Variants in TMOD1 observed in about 807,000 individuals in gnomAD.
TMOD1 encodes the protein tropomodulin-1.
Under a neutral mutation model 40.6 loss-of-function variants are expected in TMOD1, and 17 were observed. The observed-to-expected ratio is 0.42, with a 90% CI of 0.29 to 0.63. The LOEUF (loss-of-function observed/expected upper bound fraction) is 0.63. Ranked by LOEUF, TMOD1 falls within the 20% of genes least tolerant of loss-of-function variation. TMOD1 has a pLI of 0.22. For synonymous variants in TMOD1, 181 were observed against 175.0 expected (o/e 1.03, Z -0.27); for missense variants, 391 against 447.6 (o/e 0.87, Z 1.14).
chr9:97,536,702 T>G (rs1830190714), intron 2 of TMOD1, among the ~76,000 whole-genome samples: 1 of 152,058 alleles, frequency 6.6e-6, no homozygotes, highest in African/African-American at 2.4e-5. Flanking sequence ...GCGTATGACT[T>G]CAAGTGAGGC....
intron 2 of TMOD1, among the ~76,000 whole-genome samples, chr9:97,540,616 A>G (rs1830262762): frequency 6.6e-6 from 1 of 152,184 alleles, no homozygotes; most frequent in South Asian, 2.1e-4. Flanking sequence ...TACGTTTCAT[A>G]TATTGTATGG....
At chr9:97,559,489 G>T (rs1161776377) in intron 4 of TMOD1, among the ~76,000 whole-genome samples, 1 of 151,564 alleles carries the variant, frequency 6.6e-6, no homozygotes, top group South Asian at 2.1e-4. Flanking sequence ...AAATCGGCCG[G>T]GCGTGGTGGC....
At position 97,557,995 on chromosome 9, in the gene TMOD1, T is replaced by C. The variant is rs1563990018; in HGVS notation, c.397+4595T>C. Among the ~76,000 whole-genome samples the C allele has an allele frequency of 1.3e-5, 2 of 152,012 alleles. No homozygotes were observed. The highest frequency in any genetic ancestry group is 2.9e-5 in the Non-Finnish European group (2 of 68,008). On this transcript the variant is annotated intron_variant, in intron 4 of 9. Coordinates refer to ENST00000259365, the MANE Select transcript of TMOD1 (RefSeq NM_003275.4). The surrounding 1 kb of genome is among the most constrained non-coding windows in gnomAD (Gnocchi z 4.4). ...GTCACTCACTTCTGTTGACGTGGAG[T>C]GTGGCACAAAACCAAGTGAGAGGGA...
chr9:97,581,708 C>T (rs540650675), intron 8 of TMOD1, among the ~76,000 whole-genome samples: 2 of 151,902 alleles, frequency 1.3e-5, no homozygotes, highest in East Asian at 3.9e-4. Context: ...GAGATGGTAT[C>T]TCATTGTGGT....
intron 1 of TMOD1, 101 bp downstream of exon 1, chr9:97,501,904 C>T (rs553162820): frequency 1.3e-5 from 2 of 152,488 alleles, no homozygotes; most frequent in African/African-American, 2.4e-5. Context: ...CAGCTGTCGC[C>T]GCCGCCGCCA....
chr9:97,586,848 C>T (rs1825886741), intron 8 of TMOD1, among the ~76,000 whole-genome samples: 1 of 152,242 alleles, frequency 6.6e-6, no homozygotes, highest in South Asian at 2.1e-4. Context: ...GAGGCAATGC[C>T]TCGCCCTGCT....
chr9:97,593,465 G>A (rs570629200), intron 9 of TMOD1, among the ~76,000 whole-genome samples: 88 of 152,202 alleles, frequency 5.8e-4, no homozygotes, highest in Non-Finnish European at 1.2e-3. Context: ...GTGGGGGTAG[G>A]GGGTCTAGGC....
chr9:97,556,622 C>A (rs1260175813), intron 4 of TMOD1, among the ~76,000 whole-genome samples: 2 of 152,284 alleles, frequency 1.3e-5, no homozygotes, highest in South Asian at 4.1e-4. Flanking sequence ...AGTCTCTGGA[C>A]TAGGCTCTGG....
chr9:97,590,935 G>T lies in TMOD1; in HGVS notation c.871-356G>T, dbSNP rs149626845. On this transcript the variant is annotated intron_variant, in intron 8 of 9. Transcript: ENST00000259365. ...TCTGATTCAGGTAGTTTGGGGTATA[G>T]CCCGGACAGCAGGGTTTTAAAAGTC... 1.6e-3 allele frequency among the ~76,000 whole-genome samples: 244 copies of T among 152,256 alleles called. 1 individual carries two copies. Among genetic ancestry groups the T allele is most frequent in the African/African-American group, 5.7e-3 (236 of 41,538 alleles).
intron 1 of TMOD1, among the ~76,000 whole-genome samples, chr9:97,509,829 G>A (rs950347135): frequency 3.3e-5 from 5 of 152,184 alleles, no homozygotes; most frequent in African/African-American, 2.4e-5. Flanking sequence ...CAATCTGATA[G>A]AACTGATATC....
At chr9:97,596,209 TG>T (rs1826106492) in intron 9 of TMOD1, among the ~76,000 whole-genome samples, 1 of 152,130 alleles carries the variant, frequency 6.6e-6, no homozygotes, top group South Asian at 2.1e-4. Context: ...TGTCCTGCCG[TG>T]TATGTTGAGC....
chr9:97,523,936 T>C (rs112748645), intron 1 of TMOD1, among the ~76,000 whole-genome samples: 2 of 152,374 alleles, frequency 1.3e-5, no homozygotes, highest in African/African-American at 4.8e-5. Context: ...CAATTACAAT[T>C]CATTAACTTA....
At chr9:97,518,457 G>C (rs1829860131) in intron 1 of TMOD1, among the ~76,000 whole-genome samples, 1 of 152,256 alleles carries the variant, frequency 6.6e-6, no homozygotes, top group South Asian at 2.1e-4. Flanking sequence ...GGTTTGTGGG[G>C]CTTTGACGGG....
intron 2 of TMOD1, among the ~76,000 whole-genome samples, chr9:97,545,732 CCT>C (rs1830350131): frequency 6.6e-6 from 1 of 152,150 alleles, no homozygotes; most frequent in African/African-American, 2.4e-5. Flanking sequence ...CCAGCTTAAC[CCT>C]CTTTTGGCTT....
At chr9:97,593,347 C>G (rs891263550) in intron 9 of TMOD1, among the ~76,000 whole-genome samples, 1 of 152,128 alleles carries the variant, frequency 6.6e-6, no homozygotes, top group Non-Finnish European at 1.5e-5. Context: ...AGGCCTGACT[C>G]CCATCACCAA....
chr9:97,569,421 T>C (rs933706696), intron 8 of TMOD1, among the ~76,000 whole-genome samples: 6 of 152,262 alleles, frequency 3.9e-5, no homozygotes, highest in African/African-American at 1.2e-4. Flanking sequence ...ACAGATCTCA[T>C]GGACCACTAA....
chr9:97,560,820 G>A (rs930474503), intron 4 of TMOD1, among the ~76,000 whole-genome samples: 5 of 151,558 alleles, frequency 3.3e-5, no homozygotes, highest in South Asian at 2.1e-4. Context: ...CCGAGATCTC[G>A]CCACTGCACT....
chr9:97,548,608 G>C (rs572731128), intron 3 of TMOD1, among the ~76,000 whole-genome samples: 2 of 152,162 alleles, frequency 1.3e-5, no homozygotes, highest in African/African-American at 4.8e-5. Context: ...GTGAGGGATG[G>C]GGAAGGGAGT....
intron 4 of TMOD1, among the ~76,000 whole-genome samples, chr9:97,556,244 G>A (rs1334200658): frequency 6.6e-6 from 1 of 152,202 alleles, no homozygotes; most frequent in Non-Finnish European, 1.5e-5. Context: ...AGGCCGAGCA[G>A]CTGAGATGGT....
Sources: gnomAD v4.1 joint callset for allele counts (sites outside exome capture counted in the v4.1 genomes callset) on GRCh38, gnomAD v4.1.1 for gene constraint, Gnocchi (gnomAD v3.1) non-coding constraint, MANE v1.5 for transcripts, NCBI Gene and HGNC (gene_info 2026-07-23, HGNC 2026-07-21) for gene names.